The following IP6K3 variants were observed in gnomAD, a reference collection of about 807,000 sequenced individuals.
IP6K3 encodes the protein inositol hexakisphosphate kinase 3.
A neutral mutation model predicts 28.8 loss-of-function variants in IP6K3; 20 were observed. The ratio of observed to expected loss-of-function variants is 0.70; its 90% confidence interval spans 0.49 to 1.01. The LOEUF (loss-of-function observed/expected upper bound fraction) is 1.01. Among genes scored for constraint, IP6K3 ranks in the 50% least tolerant of loss-of-function variants. The pLI, the probability that IP6K3 is intolerant of heterozygous loss-of-function variation, is 0.00. For missense variants in IP6K3, 480 were observed against 537.1 expected, an observed-to-expected ratio of 0.89 and a Z score of 1.05; for synonymous variants, 213 against 221.3, an observed-to-expected ratio of 0.96 and a Z score of 0.33.
At chr6:33,747,890 G>A (rs1766956557), upstream of IP6K3, among the ~76,000 whole-genome samples, 1 of 152,168 alleles carries the variant, frequency 6.6e-6, no homozygotes, top group Non-Finnish European at 1.5e-5. This position sits in a 1 kb window ranked among gnomAD's most constrained non-coding sequence, Gnocchi z 5.2. Flanking sequence ...TTGGGAGAGG[G>A]GGCAGTGTGG....
the IP6K3 span, among the ~76,000 whole-genome samples, chr6:33,756,319 T>A: frequency 6.6e-6 from 1 of 151,936 alleles, no homozygotes; most frequent in Non-Finnish European, 1.5e-5. Flanking sequence ...AGCAGAGACT[T>A]GAGGAGGTAG....
chr6:33,727,548 G>C (rs999221761), intron 3 of IP6K3, among the ~76,000 whole-genome samples: 1 of 152,170 alleles, frequency 6.6e-6, no homozygotes, highest in South Asian at 2.1e-4. Context: ...AAGCCGTGGG[G>C]AGCCTTTTCA....
intron 2 of IP6K3, among the ~76,000 whole-genome samples, chr6:33,734,642 C>T (rs1428569005): frequency 2.0e-5 from 3 of 152,168 alleles, no homozygotes; most frequent in East Asian, 1.9e-4. Flanking sequence ...CTGGGGAGCC[C>T]GACCCCTGCC....
In IP6K3 at chr6:33,746,658, G is replaced by T. The variant is rs957274762; in HGVS notation, c.-180+100C>A. On this transcript the variant is annotated intron_variant, in intron 1 of 5. Transcript: ENST00000293756. The surrounding 1 kb of genome is among the most constrained non-coding windows in gnomAD (Gnocchi z 6.5). ...CCTGGAATGGAGACAAGACCCCAGG[G>T]TACAGACAGGCCCTGTGAACACGAG... 1 of 152,356 alleles carries T rather than the reference G, an allele frequency of 6.6e-6. No homozygotes were observed. The highest frequency in any genetic ancestry group is 2.4e-5 in the African/African-American group (1 of 41,428). The allele number at this position is 152,356 out of a possible 1,614,324, so 9.4% of individuals were successfully genotyped here.
At chr6:33,745,504 C>T (rs1164040591) in intron 1 of IP6K3, among the ~76,000 whole-genome samples, 1 of 152,166 alleles carries the variant, frequency 6.6e-6, no homozygotes, top group Non-Finnish European at 1.5e-5. Context: ...TGTTCTTACC[C>T]TCCTATGGGA....
In IP6K3 at chr6:33,725,432, G is replaced by A; in HGVS notation, c.765+9C>T. On this transcript the variant is annotated intron_variant, in intron 5 of 5. Transcript: ENST00000293756. ...TGTCCCCCCCTGTGGTGGGTCCCCT[G>A]CGACCTACCTGCATGCCGCAGATGC... is the stretch of plus-strand genomic sequence containing the variant. 6.2e-7 allele frequency: 1 copy of A among 1,603,638 alleles called. No homozygotes were observed. Among genetic ancestry groups the A allele is most frequent in the African/African-American group, 1.3e-5 (1 of 75,006 alleles).
intron 1 of IP6K3, among the ~76,000 whole-genome samples, chr6:33,737,096 G>A (rs148415732): frequency 0.015 from 2,251 of 152,236 alleles, 49 homozygotes; most frequent in African/African-American, 0.049. Context: ...AAGTAAAGCC[G>A]GGGCCTGCTC....
intron 1 of IP6K3, among the ~76,000 whole-genome samples, chr6:33,740,077 C>A (rs565335312): frequency 2.0e-5 from 3 of 152,224 alleles, no homozygotes; most frequent in African/African-American, 7.2e-5. Flanking sequence ...ATATCCTTGG[C>A]TCTCTTTAGT....
chr6:33,754,411 TTA>T, the IP6K3 span, among the ~76,000 whole-genome samples: 4 of 152,138 alleles, frequency 2.6e-5, no homozygotes, highest in African/African-American at 9.7e-5. Context: ...TTATGGCTGT[TTA>T]TTTGAGAGTC....
At chr6:33,757,927 C>G in the IP6K3 span, among the ~76,000 whole-genome samples, 1 of 152,144 alleles carries the variant, frequency 6.6e-6, no homozygotes, top group Non-Finnish European at 1.5e-5. Flanking sequence ...CACATACATC[C>G]GAGGCAGGGG....
In IP6K3 at chr6:33,722,791, G is replaced by T. The variant is rs2127345349; in HGVS notation, c.1162C>A (p.Pro388Thr). 1.9e-6 allele frequency: 3 copies of T among 1,614,136 alleles called. No individual in the cohort carries two copies. Among genetic ancestry groups the T allele is most frequent in the Middle Eastern group, 3.3e-4 (2 of 6,060 alleles). The part of the protein sequence containing the change: ...YWNEHTTYDG[P>T]DPGYIFGLEN... ...AGGCCAAAAATATAGCCAGGGTCTGGTCCATCGTAGGTGGTGTGCTCATTC... is the reference window on the plus strand; with the variant it reads ...AGGCCAAAAATATAGCCAGGGTCTGTTCCATCGTAGGTGGTGTGCTCATTC... Residue 388 changes from proline (P) to threonine (T), a missense_variant, in exon 6 of 6, where the codon CCA becomes ACA. By Grantham distance (38) the Pro-to-Thr change is conservative (BLOSUM62 -1). Coordinates refer to ENST00000293756, the MANE Select transcript of IP6K3 (RefSeq NM_054111.5).
At chr6:33,737,731 G>A (rs563279650) in intron 1 of IP6K3, among the ~76,000 whole-genome samples, 4 of 152,316 alleles carry the variant, frequency 2.6e-5, no homozygotes, top group East Asian at 1.9e-4. Context: ...CGTAGGATGC[G>A]GGGTGAGCCT....
the IP6K3 span, among the ~76,000 whole-genome samples, chr6:33,760,124 A>G: frequency 6.6e-6 from 1 of 152,218 alleles, no homozygotes; most frequent in African/African-American, 2.4e-5. Context: ...AGCTATCACA[A>G]GGGCTCTTCA....
intron 3 of IP6K3, 149 bp from the exon 4 acceptor site, chr6:33,727,055 C>T: frequency 1.4e-6 from 1 of 718,534 alleles, no homozygotes; most frequent in Non-Finnish European, 2.1e-6. Flanking sequence ...GGGCACCCTC[C>T]CTGCCCAACT....
Position 33,726,737 on chromosome 6 carries a change from G to A in IP6K3, c.583C>T (p.Arg195Trp), listed in dbSNP as rs554686855. Residue 195 changes from arginine to tryptophan, a missense_variant, in exon 4 of 6, where the codon CGG becomes TGG. Arg to Trp is a moderately radical substitution (Grantham distance 101). Transcript: ENST00000293756. ...AGGGGGATGGCAAGGATACGATGCC[G>A]CTTGTTCTCTGGGTACTCGGAGCAC... ...RLCSEYPENK[R>W]HRFLLLENVV... 51 of 1,588,398 alleles carry A rather than the reference G, an allele frequency of 3.2e-5. No individual in the cohort carries two copies. In the East Asian group the frequency reaches 8.4e-4, roughly 26 times the overall value.
intron 1 of IP6K3, among the ~76,000 whole-genome samples, chr6:33,745,091 G>A (rs1486827830): frequency 2.0e-5 from 3 of 152,260 alleles, no homozygotes; most frequent in Non-Finnish European, 4.4e-5. Context: ...TGCAGCCCGC[G>A]GGCCAGCACG....
chr6:33,758,892 C>G, the IP6K3 span, among the ~76,000 whole-genome samples: 2 of 152,188 alleles, frequency 1.3e-5, no homozygotes, highest in African/African-American at 2.4e-5. Context: ...AACCACTGTG[C>G]CCTGCCCAAA....
chr6:33,741,815 G>C (rs1329119024), intron 1 of IP6K3, among the ~76,000 whole-genome samples: 1 of 151,862 alleles, frequency 6.6e-6, no homozygotes, highest in African/African-American at 2.4e-5. Flanking sequence ...GCAGGGCGTG[G>C]TGACACGTGC....
At chr6:33,761,066 C>T in the IP6K3 span, among the ~76,000 whole-genome samples, 2 of 152,228 alleles carry the variant, frequency 1.3e-5, no homozygotes, top group African/African-American at 4.8e-5. Flanking sequence ...GATTTCAGGC[C>T]TCTTCCTCTT....
Sources: gnomAD v4.1 joint callset for allele counts (sites outside exome capture counted in the v4.1 genomes callset) on GRCh38, gnomAD v4.1.1 for gene constraint, Gnocchi (gnomAD v3.1) non-coding constraint, MANE v1.5 for transcripts, NCBI Gene and HGNC (gene_info 2026-07-23, HGNC 2026-07-21) for gene names.